ANKS1B: variants seen among roughly 807,000 people sequenced by gnomAD.
ANKS1B encodes the protein ankyrin repeat and sterile alpha motif domain-containing protein 1B.
ANKS1B carries 36 observed loss-of-function variants against 148.3 expected under a neutral mutation model. That is an observed-to-expected ratio of 0.24 (90% CI 0.19 to 0.32). ANKS1B has a LOEUF of 0.32. Ranked by LOEUF, ANKS1B falls within the 10% of genes least tolerant of loss-of-function variation. The pLI, the probability that ANKS1B is intolerant of heterozygous loss-of-function variation, is 1.00. For synonymous variants in ANKS1B, 542 were observed against 560.8 expected (o/e 0.97, Z 0.47); for missense variants, 1,157 against 1,542.6 (o/e 0.75, Z 4.19).
chr12:99,834,182 T>G (rs2084457909), intron 1 of ANKS1B, among the ~76,000 whole-genome samples: 1 of 152,158 alleles, frequency 6.6e-6, no homozygotes, highest in African/African-American at 2.4e-5. Context: ...ATCTTCAAAT[T>G]TAGAAAGAGG....
At chr12:99,674,726 T>C (rs1208651564) in intron 8 of ANKS1B, among the ~76,000 whole-genome samples, 1 of 151,848 alleles carries the variant, frequency 6.6e-6, no homozygotes, top group Non-Finnish European at 1.5e-5. Context: ...TTAAAGGCAT[T>C]TCTACTATAA....
chr12:99,773,230 G>A, intron 7 of ANKS1B, 142 bp from the exon 8 acceptor site: 1 of 602,480 alleles, frequency 1.7e-6, no homozygotes, highest in Non-Finnish European at 2.8e-6. Flanking sequence ...CTGAAAACAA[G>A]GTACTCAACC....
chr12:99,788,513 T>C (rs1235751112), intron 4 of ANKS1B, among the ~76,000 whole-genome samples: 1 of 152,156 alleles, frequency 6.6e-6, no homozygotes, highest in Non-Finnish European at 1.5e-5. Flanking sequence ...AAATGCTGGC[T>C]TCAAGGGTCA....
At chr12:99,025,593 G>A (rs984556164) in intron 17 of ANKS1B, among the ~76,000 whole-genome samples, 4 of 152,198 alleles carry the variant, frequency 2.6e-5, no homozygotes, top group African/African-American at 9.6e-5. Flanking sequence ...AGGAATGAGA[G>A]TTGGATTTGA....
intron 12 of ANKS1B, chr12:99,352,004 T>G (rs2091475613): frequency 6.6e-6 from 1 of 152,066 alleles, no homozygotes; most frequent in African/African-American, 2.4e-5. Flanking sequence ...GTGACTTAGA[T>G]GCACCTTCTG....
At chr12:99,450,455 A>T (rs1185661404) in intron 10 of ANKS1B, among the ~76,000 whole-genome samples, 2 of 152,238 alleles carry the variant, frequency 1.3e-5, no homozygotes, top group Non-Finnish European at 2.9e-5. Flanking sequence ...GGCTGGTCTT[A>T]ACTGCTTTTG....
intron 14 of ANKS1B, among the ~76,000 whole-genome samples, chr12:99,212,115 G>A (rs149934431): frequency 1.3e-4 from 20 of 152,254 alleles, no homozygotes; most frequent in African/African-American, 3.6e-4. Flanking sequence ...ACACTTGGGC[G>A]GCTACAGTAC....
chr12:99,927,020 T>C (rs569451478), intron 1 of ANKS1B, among the ~76,000 whole-genome samples: 1 of 152,310 alleles, frequency 6.6e-6, no homozygotes, highest in East Asian at 1.9e-4. Flanking sequence ...TCAGAAGCCA[T>C]AAATGTAAAT....
At chr12:99,834,907 T>C (rs1188635542) in intron 1 of ANKS1B, among the ~76,000 whole-genome samples, 7 of 152,214 alleles carry the variant, frequency 4.6e-5, no homozygotes, top group Non-Finnish European at 7.3e-5. Flanking sequence ...TGACAGATCA[T>C]ATCATTTCAA....
At chr12:98,910,903 C>G (rs1031104508) in intron 17 of ANKS1B, among the ~76,000 whole-genome samples, 3 of 152,128 alleles carry the variant, frequency 2.0e-5, no homozygotes, top group African/African-American at 4.8e-5. Flanking sequence ...AACAAGCATC[C>G]TAATCCTTAA....
chr12:98,769,165 CTTTTTTTTTTTTTT>C lies in ANKS1B; in HGVS notation c.3579+3863_3579+3876del, dbSNP rs1182264550. 6.3e-4 allele frequency among the ~76,000 whole-genome samples: 26 copies of C among 41,234 alleles called. No homozygotes were observed. In the South Asian group the frequency reaches 7.1e-3, roughly 11 times the overall value. The allele number at this position is 41,234 out of a possible 152,430, so 27.1% of individuals were successfully genotyped here. A position where few individuals can be genotyped will look rare whatever the true frequency, so the allele number is the denominator to read the frequency against. ...TTGAGGTATTATAGGGTCTTCTTTA[CTTTTTTTTTTTTTT>C]TTTTTTTTTTTTTTTGCCATTTGGG... On this transcript the variant is annotated intron_variant, in intron 25 of 26. Transcript: ENST00000683438.
At position 99,398,693 on chromosome 12, in the gene ANKS1B, T is replaced by C. The variant is rs553902073; in HGVS notation, c.1756+938A>G. ...GTAACCTGAAACCAGTTTTATCTAA[T>C]AGCTACTGAAACAACCTGCTGCAAC... On this transcript the variant is annotated intron_variant, in intron 12 of 26. Transcript: ENST00000683438. Among the ~76,000 whole-genome samples, 146 of 152,228 alleles carry C rather than the reference T, an allele frequency of 9.6e-4. 2 individuals are homozygous for C. Among genetic ancestry groups the C allele is most frequent in the East Asian group, 1.9e-4 (1 of 5,180 alleles).
intron 15 of ANKS1B, among the ~76,000 whole-genome samples, chr12:99,108,832 G>C (rs1280379268): frequency 2.0e-5 from 3 of 152,260 alleles, no homozygotes; most frequent in Admixed American, 1.3e-4. Flanking sequence ...GGCATAATAG[G>C]GTTCTTCTTT....
intron 12 of ANKS1B, among the ~76,000 whole-genome samples, chr12:99,273,283 T>C (rs974048455): frequency 6.6e-6 from 1 of 152,198 alleles, no homozygotes; most frequent in Admixed American, 6.5e-5. Context: ...TATATTGTAC[T>C]TTCTCTGTCC....
At chr12:99,840,165 G>A (rs532132346) in intron 1 of ANKS1B, among the ~76,000 whole-genome samples, 2 of 152,220 alleles carry the variant, frequency 1.3e-5, no homozygotes, top group East Asian at 3.9e-4. Context: ...AAGGCAAGAG[G>A]AACAGAGTGC....
intron 15 of ANKS1B, among the ~76,000 whole-genome samples, chr12:99,126,284 A>T (rs973374391): frequency 2.0e-5 from 3 of 151,972 alleles, no homozygotes; most frequent in Non-Finnish European, 4.4e-5. Context: ...AATTTTTCCC[A>T]CTCAAATGCT....
At chr12:99,276,721 C>A (rs141012614) in intron 12 of ANKS1B, among the ~76,000 whole-genome samples, 1 of 152,274 alleles carries the variant, frequency 6.6e-6, no homozygotes, top group African/African-American at 2.4e-5. Flanking sequence ...ATAATAAAAC[C>A]TTCTTCTGAC....
chr12:98,899,640 C>G (rs1013916241), intron 17 of ANKS1B, among the ~76,000 whole-genome samples: 1 of 152,176 alleles, frequency 6.6e-6, no homozygotes, highest in African/African-American at 2.4e-5. Context: ...CTTGCCTTAG[C>G]TCAGTCTTGT....
chr12:99,146,125 A>C lies in ANKS1B; in HGVS notation c.2526+8164T>G, dbSNP rs550773903. Among the ~76,000 whole-genome samples, 26 of 152,242 alleles carry C rather than the reference A, an allele frequency of 1.7e-4. 1 individual carries two copies. Among genetic ancestry groups the C allele is most frequent in the African/African-American group, 6.3e-4 (26 of 41,550 alleles). ...TTACATGGAAATATATAGAACTTAA[A>C]AATTCCATTTGATCAATATTTATTA... On this transcript the variant is annotated intron_variant, in intron 15 of 26. Coordinates refer to ENST00000683438, the MANE Select transcript of ANKS1B (RefSeq NM_001352186.2).
Sources: allele counts gnomAD v4.1 joint callset (sites outside exome capture counted in the v4.1 genomes callset), GRCh38; gene constraint gnomAD v4.1.1; transcripts MANE v1.5; gene names NCBI Gene and HGNC (gene_info 2026-07-23, HGNC 2026-07-21).